PUM2: variants seen among roughly 807,000 people sequenced by gnomAD.
PUM2 encodes pumilio RNA binding family member 2.
PUM2 carries 57 observed loss-of-function variants against 124.5 expected under a neutral mutation model. The ratio of observed to expected loss-of-function variants is 0.46; its 90% CI spans 0.37 to 0.57. The LOEUF is 0.57. PUM2 is among the 20% of genes least tolerant of loss of function. The pLI is 0.00. For missense variants in PUM2, 1,065 were observed against 1,290.6 expected (o/e 0.83, Z 2.68); for synonymous variants, 460 against 446.1 (o/e 1.03, Z -0.39).
intron 2 of PUM2, among the ~76,000 whole-genome samples, chr2:20,319,769 GCAGAT>G (rs2148735522): frequency 6.6e-6 from 1 of 152,316 alleles, no homozygotes; most frequent in African/African-American, 2.4e-5. Context: ...ACAGATGCTG[GCAGAT>G]CAGATTATGA....
At chr2:20,276,888 T>C (rs892016413) in intron 13 of PUM2, among the ~76,000 whole-genome samples, 2 of 152,228 alleles carry the variant, frequency 1.3e-5, no homozygotes, top group Admixed American at 6.5e-5. Context: ...TAGTCTATAA[T>C]GCAGAATGCT....
rs765601510 is a variant in PUM2 at position 20,283,201 on chromosome 2, C to T, written c.1466G>A (p.Ser489Asn). The T allele has an allele frequency of 3.1e-6, 5 of 1,613,524 alleles. No homozygotes were observed. Among genetic ancestry groups the T allele is most frequent in the Non-Finnish European group, 4.2e-6 (5 of 1,179,612 alleles). Reference sequence around the variant, plus strand: ...ACCATTTGTGCTGCCTGTAAGGCTACTTGCAGTTCCTCCAGCTGCTGCTGC... The same window carrying T: ...ACCATTTGTGCTGCCTGTAAGGCTATTTGCAGTTCCTCCAGCTGCTGCTGC... ...AAAAAAGGTA[S>N]SLTGSTNGLF... Residue 489 changes from serine (S) to asparagine (N), a missense_variant, in exon 12 of 21, where the codon AGT (serine) becomes AAT (asparagine). Transcript: ENST00000361078.
chr2:20,315,875 G>C (rs1038956584), intron 3 of PUM2, among the ~76,000 whole-genome samples: 1 of 110,642 alleles, frequency 9.0e-6, no homozygotes, highest in Non-Finnish European at 1.9e-5. Context: ...AAAAAACAAA[G>C]ATAAAAACTT....
At position 20,254,909 on chromosome 2, in the gene PUM2, C is replaced by T. The variant is rs760721555; in HGVS notation, c.2824G>A (p.Glu942Lys). The change falls in exon 19 of 21, where the codon GAA (glutamate) becomes AAA (lysine). Residue 942 changes from glutamate (E) to lysine (K), a missense_variant. Physicochemically the swap from Glu to Lys is moderately conservative, Grantham distance 56. Transcript: ENST00000361078. ...RPEDKSKIVS[E>K]IRGKVLALSQ... ...AGGGCTAAAACCTTTCCCCTGATTTCGGAAACAATTTTGCTCTTGTCTTCA... is the reference window on the plus strand; with the variant it reads ...AGGGCTAAAACCTTTCCCCTGATTTTGGAAACAATTTTGCTCTTGTCTTCA... 1.2e-5 allele frequency: 19 copies of T among 1,613,850 alleles called. No homozygotes were observed. The highest frequency in any genetic ancestry group is 3.3e-4 in the Middle Eastern group (2 of 6,084).
At chr2:20,263,488 G>A (rs1666792883) in intron 13 of PUM2, 28 bp from the exon 14 acceptor site, 1 of 1,557,664 alleles carries the variant, frequency 6.4e-7, no homozygotes, top group Admixed American at 1.9e-5. Flanking sequence ...TGGTCAGCAA[G>A]TATTTTTGAC....
chr2:20,310,032 C>T lies in PUM2; in HGVS notation c.519-1448G>A, dbSNP rs147942928. On this transcript the variant is annotated intron_variant, in intron 5 of 20. Transcript: ENST00000361078. ...TAAAAGCATTTTCTTTAAAATCAGC[C>T]AATTTTTCTTTAAAAAATAAGTGTC... 7.7e-3 allele frequency among the ~76,000 whole-genome samples: 1,168 copies of T among 152,058 alleles called. 11 individuals carry two copies. The highest frequency in any genetic ancestry group is 0.027 in the African/African-American group (1,118 of 41,512).
At chr2:20,327,453 T>A (rs1417175564) in intron 1 of PUM2, 75 bp from the exon 2 acceptor site, 13 of 911,500 alleles carry the variant, frequency 1.4e-5, no homozygotes, top group Non-Finnish European at 2.2e-5. Context: ...TTATATTATA[T>A]TGCTGCTATG....
chr2:20,255,941 G>A (rs914987356), intron 17 of PUM2, 92 bp downstream of exon 17: 1 of 1,255,302 alleles, frequency 8.0e-7, no homozygotes, highest in Non-Finnish European at 1.1e-6. Context: ...CAATTGCTGG[G>A]TATTATCTAG....
chr2:20,268,064 TAAAGA>T (rs1175798173), intron 13 of PUM2, among the ~76,000 whole-genome samples: 2 of 152,084 alleles, frequency 1.3e-5, no homozygotes, highest in Non-Finnish European at 2.9e-5. Flanking sequence ...CACCACAAAA[TAAAGA>T]AATCTGTCTA....
In PUM2 at chr2:20,294,412, C is replaced by T; in HGVS notation, c.1116G>A (p.Gln372=). The change falls in exon 9 of 21, where the codon CAG becomes CAA. Residue 372 remains glutamine, a synonymous_variant. Transcript: ENST00000361078. ...AAAAANNTAS[Q]QAASQAQPGQ... is the part of the protein sequence containing the mutation. ...CAGGCTGAGCTTGTGATGCTGCTTGCTGACTGGCTGTGTTATTTGCCGCAG... is the reference window on the plus strand; with the variant it reads ...CAGGCTGAGCTTGTGATGCTGCTTGTTGACTGGCTGTGTTATTTGCCGCAG... 1 of 1,614,082 alleles carries T rather than the reference C, an allele frequency of 6.2e-7. No individual in the cohort carries two copies. The highest frequency in any genetic ancestry group is 8.5e-7 in the Non-Finnish European group (1 of 1,180,012).
At position 20,311,602 on chromosome 2, in the gene PUM2, G is replaced by A. The variant is rs780984683; in HGVS notation, c.410C>T (p.Pro137Leu). Residue 137 changes from proline to leucine, a missense_variant, in exon 5 of 21, where the codon CCA becomes CTA. This residue lies in a region of PUM2 where 968 missense variants were observed against 1,159.8 expected (regional missense o/e 0.83). Coordinates refer to ENST00000361078, the MANE Select transcript of PUM2 (RefSeq NM_015317.5). ...EKGDQKGKAS[P>L]FEEDQNRDLK... is the part of the protein sequence containing the mutation. ...ATCTCTGTTTTGGTCCTCCTCAAAT[G>A]GAGAAGCCTTGCCTTTTTGATCTCC... is the stretch of plus-strand genomic sequence containing the variant. 3 of 1,613,442 alleles carry A rather than the reference G, an allele frequency of 1.9e-6. No homozygotes were observed. The highest frequency in any genetic ancestry group is 1.7e-6 in the Non-Finnish European group (2 of 1,179,616).
chr2:20,325,658 G>C (rs905590436), intron 2 of PUM2, among the ~76,000 whole-genome samples: 5 of 135,906 alleles, frequency 3.7e-5, no homozygotes, highest in African/African-American at 5.5e-5. Flanking sequence ...GTCTCGGTTT[G>C]TCCCCCAGGC....
At chr2:20,332,936 T>G (rs1464284187) in intron 1 of PUM2, 1 of 152,156 alleles carries the variant, frequency 6.6e-6, no homozygotes, top group Non-Finnish European at 1.5e-5. Flanking sequence ...ATCTCCAATA[T>G]TATTTTCTTT....
intron 1 of PUM2, among the ~76,000 whole-genome samples, chr2:20,333,683 T>C (rs543113882): frequency 6.6e-6 from 1 of 152,200 alleles, no homozygotes; most frequent in African/African-American, 2.4e-5. Context: ...GAGGCCAATA[T>C]AGAAAGATCA....
chr2:20,312,514 C>CA, intron 3 of PUM2, 91 bp from the exon 4 acceptor site: 1 of 1,185,608 alleles, frequency 8.4e-7, no homozygotes. Flanking sequence ...GAAAAATCAG[C>CA]ACATTGTTTT....
At chr2:20,292,239 G>A (rs1019225426) in intron 9 of PUM2, among the ~76,000 whole-genome samples, 10 of 150,328 alleles carry the variant, frequency 6.7e-5, no homozygotes, top group Admixed American at 6.0e-4. Context: ...CTGGCCCCAC[G>A]TCAGTGCACG....
intron 2 of PUM2, among the ~76,000 whole-genome samples, chr2:20,323,517 C>T (rs1320899575): frequency 1.3e-5 from 2 of 151,806 alleles, no homozygotes; most frequent in African/African-American, 4.8e-5. Flanking sequence ...TCTTCACTAC[C>T]AACAGTATGA....
At chr2:20,350,856 A>G (rs1197946025), upstream of PUM2, 9 of 864,314 alleles carry the variant, frequency 1.0e-5, no homozygotes, top group South Asian at 5.5e-5. Context: ...CCCCCCGCCC[A>G]CCGGGCGCGC....
At chr2:20,349,518 G>GT (rs761971122) in intron 1 of PUM2, among the ~76,000 whole-genome samples, 9,610 of 141,908 alleles carry the variant, frequency 0.068, 323 homozygotes, top group African/African-American at 0.08. Flanking sequence ...ACTCATTTTT[G>GT]TTTTTTTTTT....
Sources: allele counts gnomAD v4.1 joint callset (sites outside exome capture counted in the v4.1 genomes callset), GRCh38; gene constraint gnomAD v4.1.1; regional missense constraint gnomAD v4.1.1; transcripts MANE v1.5; gene names NCBI Gene and HGNC (gene_info 2026-07-23, HGNC 2026-07-21).